LAMC3: variants seen among roughly 807,000 people sequenced by gnomAD.
The protein encoded by LAMC3 is laminin subunit gamma 3.
A neutral mutation model predicts 173.8 loss-of-function variants in LAMC3; 128 were observed. The observed-to-expected ratio is 0.74, with a 90% confidence interval of 0.64 to 0.85. The LOEUF (loss-of-function observed/expected upper bound fraction) is 0.85, where lower values mean the gene tolerates loss of function less well. Among genes scored for constraint, LAMC3 ranks in the 40% least tolerant of loss-of-function variants. LAMC3 has a pLI of 0.00. For synonymous variants in LAMC3, 897 were observed against 909.1 expected (o/e 0.99, Z 0.24); for missense variants, 2,022 against 2,156.0 (o/e 0.94, Z 1.23).
chr9:131,024,555 G>T (rs1342199916), intron 1 of LAMC3, among the ~76,000 whole-genome samples: 1 of 152,122 alleles, frequency 6.6e-6, no homozygotes, highest in African/African-American at 2.4e-5. Context: ...GGGGTCTCTG[G>T]GACCAGGGAA....
rs561669869 is a variant in LAMC3, at chr9:131,048,363, T to C, written c.1520-657T>C. 2.8e-4 allele frequency among the ~76,000 whole-genome samples: 43 copies of C among 152,212 alleles called. 2 individuals carry two copies. The South Asian group carries it at 7.7e-3, about 27-fold the overall frequency. The stretch of plus-strand genomic sequence containing the variant: ...TGAGCCACTGTGCCTGGCCTTCTAG[T>C]TCCTTCTAAATGCCTGTCTGCAAAC... On this transcript the variant is annotated intron_variant, in intron 8 of 27. Transcript: ENST00000361069.
chr9:131,072,582 G>A, intron 18 of LAMC3, 48 bp from the exon 19 acceptor site: 1 of 1,529,246 alleles, frequency 6.5e-7, no homozygotes, highest in South Asian at 1.2e-5. Flanking sequence ...GGGCTTTTGT[G>A]TGACATCTCC....
At chr9:131,066,479 T>G (rs909525518) in intron 13 of LAMC3, among the ~76,000 whole-genome samples, 2 of 150,582 alleles carry the variant, frequency 1.3e-5, no homozygotes, top group Non-Finnish European at 2.9e-5. Context: ...GGTGATAGAG[T>G]GAGACTCCAT....
intron 9 of LAMC3, 85 bp downstream of exon 9, chr9:131,049,215 A>C (rs1481201301): frequency 2.5e-6 from 2 of 798,652 alleles, no homozygotes; most frequent in Non-Finnish European, 4.4e-6. Context: ...AGAGGCTGAA[A>C]ACAATGCCAG....
At chr9:131,078,169 A>C (rs1830169180) in intron 22 of LAMC3, among the ~76,000 whole-genome samples, 1 of 152,136 alleles carries the variant, frequency 6.6e-6, no homozygotes, top group Non-Finnish European at 1.5e-5. Flanking sequence ...GTAACCCTGA[A>C]ATCCCAAAAC....
At chr9:131,044,229 C>T (rs988828666) in intron 7 of LAMC3, among the ~76,000 whole-genome samples, 3 of 151,186 alleles carry the variant, frequency 2.0e-5, no homozygotes, top group South Asian at 2.1e-4. Context: ...GTGCGTGAGC[C>T]GGCCAGGCGC....
rs1469845365 is a variant in LAMC3 at position 131,026,484 on chromosome 9, C to T, written c.573C>T (p.Thr191=). Residue 191 remains threonine, a synonymous_variant, in exon 2 of 28, where the codon ACC becomes ACT. Coordinates refer to ENST00000361069, the MANE Select transcript of LAMC3 (RefSeq NM_006059.4). This position sits in a 1 kb window ranked among gnomAD's most constrained non-coding sequence, Gnocchi z 4.8. ...PGEDERVAFC[T]SEFSDISPLS... ...AGGACGAGCGCGTGGCCTTCTGCACCTCTGAGTTCAGCGACATCTCCCCGC... is the reference window on the plus strand; with the variant it reads ...AGGACGAGCGCGTGGCCTTCTGCACTTCTGAGTTCAGCGACATCTCCCCGC... 1 of 1,613,392 alleles carries T rather than the reference C, an allele frequency of 6.2e-7. No homozygotes were observed. The highest frequency in any genetic ancestry group is 8.5e-7 in the Non-Finnish European group (1 of 1,179,944).
intron 19 of LAMC3, 50 bp from the exon 20 acceptor site, chr9:131,073,195 C>A: frequency 2.2e-6 from 3 of 1,380,652 alleles, no homozygotes; most frequent in Non-Finnish European, 3.1e-6. Flanking sequence ...GTGGCCCTTA[C>A]CCTTTGGCGA....
At position 131,071,616 on chromosome 9, in the gene LAMC3, C is replaced by A. The variant is rs747641205; in HGVS notation, c.3202C>A (p.Leu1068Met). Residue 1068 changes from leucine to methionine, a missense_variant, in exon 18 of 28, where the codon CTG (leucine) becomes ATG (methionine). Coordinates refer to ENST00000361069, the MANE Select transcript of LAMC3 (RefSeq NM_006059.4). ...PRGDVYQGHHLLPGAREAFLE... is the reference protein window; with the variant it reads ...PRGDVYQGHHMLPGAREAFLE... ...GGGGGACGTCTACCAGGGCCATCAC[C>A]TGCTTCCAGGTACAGCAGGAGCGCA... is the stretch of plus-strand genomic sequence containing the variant. The A allele has an allele frequency of 4.4e-6, 7 of 1,588,214 alleles. No homozygotes were observed. The highest frequency in any genetic ancestry group is 6.0e-6 in the Non-Finnish European group (7 of 1,164,182).
At chr9:131,081,252 G>C (rs944940856) in intron 23 of LAMC3, among the ~76,000 whole-genome samples, 2 of 152,168 alleles carry the variant, frequency 1.3e-5, no homozygotes, top group African/African-American at 4.8e-5. Flanking sequence ...TGAAAGGCTC[G>C]GTCATATTCC....
chr9:131,034,899 G>T (rs575019566), intron 3 of LAMC3, among the ~76,000 whole-genome samples: 1 of 152,218 alleles, frequency 6.6e-6, no homozygotes, highest in Non-Finnish European at 1.5e-5. Context: ...CAAAGACCCC[G>T]TATTTGTCCA....
intron 1 of LAMC3, among the ~76,000 whole-genome samples, chr9:131,025,612 T>C (rs192608857): frequency 1.1e-3 from 172 of 152,056 alleles, no homozygotes; most frequent in African/African-American, 3.9e-3. Context: ...GAGGGGACTT[T>C]CGAGGAGGTG....
At chr9:131,061,313 G>A in intron 13 of LAMC3, 90 bp downstream of exon 13, 1 of 1,159,878 alleles carries the variant, frequency 8.6e-7, no homozygotes, top group South Asian at 1.4e-5. Context: ...TAGGGCCCTG[G>A]GTTTAGGGTG....
chr9:131,053,370 C>A (rs535127830), intron 11 of LAMC3, among the ~76,000 whole-genome samples: 1 of 152,106 alleles, frequency 6.6e-6, no homozygotes, highest in Admixed American at 6.5e-5. Flanking sequence ...TGGTCACTGG[C>A]GGTATTGTAC....
chr9:131,035,084 G>A (rs572995938), intron 3 of LAMC3, among the ~76,000 whole-genome samples: 1 of 152,288 alleles, frequency 6.6e-6, no homozygotes, highest in South Asian at 2.1e-4. Context: ...CTGAGTAGCT[G>A]GGATTATAGG....
At chr9:131,041,082 G>A (rs553822596) in intron 6 of LAMC3, among the ~76,000 whole-genome samples, 5 of 152,120 alleles carry the variant, frequency 3.3e-5, no homozygotes, top group East Asian at 1.9e-4. Context: ...AAAGATTCAT[G>A]GAGGCCGAGC....
chr9:131,073,185 G>A lies in LAMC3; in HGVS notation c.3418-60G>A, dbSNP rs978232236. On this transcript the variant is annotated intron_variant, in intron 19 of 27. Transcript: ENST00000361069. ...GTTCTGCCTCACAATTGGACCAGAT[G>A]TGGCCCTTACCCTTTGGCGATGGGC... The A allele has an allele frequency of 1.2e-5, 15 of 1,260,800 alleles. No individual in the cohort carries two copies. The Admixed American group carries it at 2.4e-4, about 20-fold the overall frequency. 78.1% of individuals were successfully genotyped at this position (1,260,800 alleles called of 1,614,324 possible).
Position 131,045,231 on chromosome 9 carries a change from A to AC in LAMC3, c.1383-293_1383-292insC, listed in dbSNP as rs61161785. On this transcript the variant is annotated intron_variant, in intron 7 of 27. Coordinates refer to ENST00000361069, the MANE Select transcript of LAMC3 (RefSeq NM_006059.4). ...AACAAGACTCTGTCTCAAAAAAAAA[A>AC]AAAAACAACAACAACAAAAAAACAA... Among the ~76,000 whole-genome samples, 3,132 of 117,858 alleles carry AC rather than the reference A, an allele frequency of 0.027. 68 individuals carry two copies. Among genetic ancestry groups the AC allele is most frequent in the Non-Finnish European group, 0.036 (2,057 of 56,606 alleles). 77.3% of individuals were successfully genotyped at this position (117,858 alleles called of 152,430 possible). A position where few individuals can be genotyped will look rare whatever the true frequency, so the allele number is the denominator to read the frequency against.
chr9:131,090,552 G>A (rs1235618312), intron 27 of LAMC3, among the ~76,000 whole-genome samples: 1 of 152,200 alleles, frequency 6.6e-6, no homozygotes, highest in African/African-American at 2.4e-5. Context: ...GAAATCCAGG[G>A]CCTCGGGGAT....
Sources: gnomAD v4.1 joint callset for allele counts (sites outside exome capture counted in the v4.1 genomes callset) on GRCh38, gnomAD v4.1.1 for gene constraint, Gnocchi (gnomAD v3.1) non-coding constraint, MANE v1.5 for transcripts, NCBI Gene and HGNC (gene_info 2026-07-23, HGNC 2026-07-21) for gene names.